GLUD1: variants seen among roughly 807,000 people sequenced by gnomAD.
GLUD1 encodes the protein glutamate dehydrogenase 1, mitochondrial.
Under a neutral mutation model 56.0 loss-of-function variants are expected in GLUD1, and 22 were observed. That is an observed-to-expected ratio of 0.39 (90% CI 0.28 to 0.56). The LOEUF is 0.56. GLUD1 is among the 20% of genes least tolerant of loss of function. The pLI is 0.58. For missense variants in GLUD1, 451 were observed against 732.0 expected, an observed-to-expected ratio of 0.62 and a Z score of 4.43; for synonymous variants, 223 against 269.9, an observed-to-expected ratio of 0.83 and a Z score of 1.70.
intron 1 of GLUD1, among the ~76,000 whole-genome samples, chr10:87,088,045 T>C (rs936719525): frequency 2.0e-5 from 3 of 151,824 alleles, no homozygotes; most frequent in African/African-American, 7.3e-5. Context: ...CGCGCCACTG[T>C]ATGCCAGCCT....
At chr10:87,072,406 G>A (rs1486352788) in intron 4 of GLUD1, among the ~76,000 whole-genome samples, 3 of 152,172 alleles carry the variant, frequency 2.0e-5, no homozygotes, top group Non-Finnish European at 4.4e-5. Context: ...CAGGATCAGG[G>A]TTCAGGCTCA....
In GLUD1 at chr10:87,094,094, C is replaced by T. The variant is rs1013828707; in HGVS notation, c.445+231G>A. ...ATGCAAGATCAGCATATACAGAGGC[C>T]CGGGGTGACGGCGCGGGGGAGGGGG... On this transcript the variant is annotated intron_variant, in intron 1 of 12. Coordinates refer to ENST00000277865, the MANE Select transcript of GLUD1 (RefSeq NM_005271.5). This position sits in a 1 kb window ranked among gnomAD's most constrained non-coding sequence, Gnocchi z 6.6. The T allele has an allele frequency of 1.0e-5, 15 of 1,507,330 alleles. No individual in the cohort carries two copies. The African/African-American group carries it at 2.0e-4, about 20-fold the overall frequency. The allele number at this position is 1,507,330 out of a possible 1,614,324, so 93.4% of individuals were successfully genotyped here.
chr10:87,054,077 G>C (rs964194952), intron 11 of GLUD1, among the ~76,000 whole-genome samples: 1 of 152,122 alleles, frequency 6.6e-6, no homozygotes, highest in Admixed American at 6.5e-5. Flanking sequence ...AAAAATTAAG[G>C]ACAATTAACT....
At chr10:87,076,049 A>C in intron 2 of GLUD1, 26 bp from the exon 3 acceptor site, 1 of 1,545,084 alleles carries the variant, frequency 6.5e-7, no homozygotes, top group Non-Finnish European at 8.9e-7. Context: ...GATGGTTGCT[A>C]TTCCATATAA....
chr10:87,058,012 G>A (rs193230028), intron 10 of GLUD1, among the ~76,000 whole-genome samples: 42 of 152,228 alleles, frequency 2.8e-4, no homozygotes, highest in African/African-American at 8.7e-4. Context: ...GGGACTACAG[G>A]TGCGCGCCAC....
At position 87,093,117 on chromosome 10, in the gene GLUD1, T is replaced by TC. The variant is rs201999598; in HGVS notation, c.445+1207dup. Among the ~76,000 whole-genome samples the TC allele has an allele frequency of 5.7e-3, 872 of 152,178 alleles. 7 individuals are homozygous for TC. Among genetic ancestry groups the TC allele is most frequent in the African/African-American group, 0.019 (774 of 41,488 alleles). ...AGTAAATCTTTAAAAACAACCTTTGTCCCCCCTGCTGGGAACACCAGCACC... is the reference window on the plus strand; with the variant it reads ...AGTAAATCTTTAAAAACAACCTTTGTCCCCCCCTGCTGGGAACACCAGCACC... On this transcript the variant is annotated intron_variant, in intron 1 of 12. Transcript: ENST00000277865.
In GLUD1 at chr10:87,085,834, T is replaced by C. The variant is rs550886819; in HGVS notation, c.445+8491A>G. ...TTACAGCCTGACAGATGGAAGATTA[T>C]ACATTAAAAGGGGGATTTTGTTAAT... On this transcript the variant is annotated intron_variant, in intron 1 of 12. Transcript: ENST00000277865. 3.3e-5 allele frequency among the ~76,000 whole-genome samples: 5 copies of C among 152,318 alleles called. No individual in the cohort carries two copies. In the South Asian group the frequency reaches 6.2e-4, roughly 19 times the overall value.
At chr10:87,082,846 C>T (rs778831976) in intron 1 of GLUD1, among the ~76,000 whole-genome samples, 1 of 152,212 alleles carries the variant, frequency 6.6e-6, no homozygotes, top group East Asian at 1.9e-4. Context: ...CAGAAGAAGC[C>T]AGTTACTCTT....
Position 87,060,236 on chromosome 10 carries a change from A to G in GLUD1, c.1203T>C (p.Ile401=), listed in dbSNP as rs1845893332. The change falls in exon 9 of 13, where the codon ATT becomes ATC. Residue 401 remains isoleucine, a synonymous_variant. Coordinates refer to ENST00000277865, the MANE Select transcript of GLUD1 (RefSeq NM_005271.5). ...TTGTTGGCCCATTGGCACCTTCAGC[A>G]ATGATCTGCAAGAGAGTCAGGAACA... The part of the protein sequence containing the change: ...SNAPRVKAKI[I]AEGANGPTTP... The G allele has an allele frequency of 1.2e-6, 2 of 1,604,398 alleles. No individual in the cohort carries two copies. The highest frequency in any genetic ancestry group is 1.7e-6 in the Non-Finnish European group (2 of 1,171,208).
Position 87,074,733 on chromosome 10 carries a change from T to C in GLUD1, c.583-119A>G, listed in dbSNP as rs1846337466. The C allele has an allele frequency of 3.4e-5, 24 of 701,170 alleles. No individual in the cohort carries two copies. In the South Asian group the frequency reaches 3.8e-4, roughly 11 times the overall value. The allele number at this position is 701,170 out of a possible 1,614,324, so 43.4% of individuals were successfully genotyped here. ...TTCATATGTCTTCTCATGTAATCCT[T>C]AGAACAACTCATAAAGTAGGCATTG... On this transcript the variant is annotated intron_variant, in intron 3 of 12. Transcript: ENST00000277865.
At position 87,094,050 on chromosome 10, in the gene GLUD1, G is replaced by T; in HGVS notation, c.445+275C>A. The T allele has an allele frequency of 6.6e-7, 1 of 1,504,626 alleles. No individual in the cohort carries two copies. Among genetic ancestry groups the T allele is most frequent in the East Asian group, 2.6e-5 (1 of 38,348 alleles). The allele number at this position is 1,504,626 out of a possible 1,614,324, so 93.2% of individuals were successfully genotyped here. A position where few individuals can be genotyped will look rare whatever the true frequency, so the allele number is the denominator to read the frequency against. On this transcript the variant is annotated intron_variant, in intron 1 of 12. Transcript: ENST00000277865. This position sits in a 1 kb window ranked among gnomAD's most constrained non-coding sequence, Gnocchi z 6.6. ...CAGACACCGGGACCAAAAGGAGACC[G>T]GTGCAGCGTCTACTCTGCATGCAAG...
Position 87,056,292 on chromosome 10 carries a change from C to CT in GLUD1, c.1494+1398dup, listed in dbSNP as rs556387150. 8.9e-3 allele frequency among the ~76,000 whole-genome samples: 1,209 copies of CT among 135,262 alleles called. 17 individuals carry two copies. Among genetic ancestry groups the CT allele is most frequent in the African/African-American group, 0.026 (968 of 36,964 alleles). The allele number at this position is 135,262 out of a possible 152,430, so 88.7% of individuals were successfully genotyped here. A position where few individuals can be genotyped will look rare whatever the true frequency, so the allele number is the denominator to read the frequency against. ...AATTTAAAAACTGTTTACACCGTTT[C>CT]TTTTTTTTTTTTTTTTTGAGATGGA... is the stretch of plus-strand genomic sequence containing the variant. On this transcript the variant is annotated intron_variant, in intron 11 of 12. Transcript: ENST00000277865.
At chr10:87,068,738 T>TA (rs1332719973) in intron 4 of GLUD1, among the ~76,000 whole-genome samples, 1 of 152,090 alleles carries the variant, frequency 6.6e-6, no homozygotes, top group East Asian at 1.9e-4. Context: ...ACATATAAGG[T>TA]TTTAGGCCTT....
Position 87,070,765 on chromosome 10 carries a change from A to T in GLUD1, c.647-2608T>A, listed in dbSNP as rs540204798. Among the ~76,000 whole-genome samples, 13 of 152,212 alleles carry T rather than the reference A, an allele frequency of 8.5e-5. No individual in the cohort carries two copies. In the South Asian group the frequency reaches 1.0e-3, roughly 12 times the overall value. ...CTTCTGCCATCCAAAACAAAATCACAAGGTATTAGTTATTAGGCTTATGAG... is the reference window on the plus strand; with the variant it reads ...CTTCTGCCATCCAAAACAAAATCACTAGGTATTAGTTATTAGGCTTATGAG... On this transcript the variant is annotated intron_variant, in intron 4 of 12. Coordinates refer to ENST00000277865, the MANE Select transcript of GLUD1 (RefSeq NM_005271.5).
chr10:87,076,395 T>TA (rs5786757), intron 2 of GLUD1, among the ~76,000 whole-genome samples, 181 bp downstream of exon 2: 1,936 of 149,508 alleles, frequency 0.013, 32 homozygotes, highest in Middle Eastern at 0.073. Flanking sequence ...ATCCCCCATG[T>TA]AAAAAAAAAA....
At chr10:87,070,219 G>A (rs1230292965) in intron 4 of GLUD1, among the ~76,000 whole-genome samples, 2 of 152,226 alleles carry the variant, frequency 1.3e-5, no homozygotes, top group African/African-American at 2.4e-5. Context: ...TTGGGAGGCC[G>A]AGGCAGGAGG....
Position 87,094,175 on chromosome 10 carries a change from C to G in GLUD1, c.445+150G>C. On this transcript the variant is annotated intron_variant, in intron 1 of 12. Coordinates refer to ENST00000277865, the MANE Select transcript of GLUD1 (RefSeq NM_005271.5). This position sits in a 1 kb window ranked among gnomAD's most constrained non-coding sequence, Gnocchi z 6.6. ...AAAAATCACCATCCACAGAGCCGGC[C>G]ACATCCGAGGCGGGGTGACCCGGGC... 7.2e-7 allele frequency: 1 copy of G among 1,392,008 alleles called. No individual in the cohort carries two copies. The highest frequency in any genetic ancestry group is 9.5e-7 in the Non-Finnish European group (1 of 1,048,514). The allele number at this position is 1,392,008 out of a possible 1,614,324, so 86.2% of individuals were successfully genotyped here.
At position 87,076,671 on chromosome 10, in the gene GLUD1, A is replaced by T. The variant is rs1846404551; in HGVS notation, c.446-15T>A. The T allele has an allele frequency of 1.3e-6, 2 of 1,515,758 alleles. No homozygotes were observed. The highest frequency in any genetic ancestry group is 1.8e-6 in the Non-Finnish European group (2 of 1,090,192). 93.9% of individuals were successfully genotyped at this position (1,515,758 alleles called of 1,614,324 possible). ...GTAACGGATACCTGGTGGTGTTTTT[A>T]AAAAAATGTGTTGGGGTGGGTGAGA... On this transcript the variant is annotated splice_polypyrimidine_tract_variant and intron_variant, in intron 1 of 12. Transcript: ENST00000277865.
At chr10:87,062,606 A>T in intron 6 of GLUD1, 50 bp downstream of exon 6, 1 of 1,268,380 alleles carries the variant, frequency 7.9e-7, no homozygotes, top group Non-Finnish European at 1.1e-6. Flanking sequence ...TGAAAACTTT[A>T]CTTAATGTCT....
Sources: allele counts gnomAD v4.1 joint callset (sites outside exome capture counted in the v4.1 genomes callset), GRCh38; gene constraint gnomAD v4.1.1; non-coding constraint Gnocchi (gnomAD v3.1); transcripts MANE v1.5; gene names NCBI Gene and HGNC (gene_info 2026-07-23, HGNC 2026-07-21).